ANKFN1: variants seen among roughly 807,000 people sequenced by gnomAD.
ANKFN1 encodes ankyrin repeat and fibronectin type III domain containing 1.
ANKFN1 carries 74 observed loss-of-function variants against 108.7 expected under a neutral mutation model. That is an observed-to-expected ratio of 0.68 (90% CI 0.56 to 0.83). The LOEUF (loss-of-function observed/expected upper bound fraction) is 0.83. Among genes scored for constraint, ANKFN1 ranks in the 40% least tolerant of loss-of-function variants. ANKFN1 has a pLI of 0.00. For synonymous variants in ANKFN1, 547 were observed against 516.2 expected (o/e 1.06, Z -0.81); for missense variants, 1,505 against 1,382.3 (o/e 1.09, Z -1.41).
chr17:56,058,820 T>A (rs1413946686), intron 4 of ANKFN1, among the ~76,000 whole-genome samples: 2 of 152,204 alleles, frequency 1.3e-5, no homozygotes, highest in African/African-American at 4.8e-5. Context: ...ACATTTTCTT[T>A]ACCCAGTCTA....
chr17:56,277,286 G>A (rs565921596), intron 3 of ANKFN1, among the ~76,000 whole-genome samples: 15 of 152,178 alleles, frequency 9.9e-5, no homozygotes, highest in Admixed American at 2.0e-4. Context: ...TAGACAAACT[G>A]GTAATGAGAA....
Position 56,238,919 on chromosome 17 carries a change from G to A in ANKFN1, c.53+10962G>A, listed in dbSNP as rs117038865. On this transcript the variant is annotated intron_variant, in intron 3 of 20. Coordinates refer to ENST00000682825, the MANE Select transcript of ANKFN1 (RefSeq NM_001370326.1). Reference sequence around the variant, plus strand: ...AAGTGGGAAGAAGAGATTGGGATACGATTGTGAATATTAAGTTGATTTTTT... The same window carrying A: ...AAGTGGGAAGAAGAGATTGGGATACAATTGTGAATATTAAGTTGATTTTTT... Among the ~76,000 whole-genome samples the A allele has an allele frequency of 9.7e-3, 1,473 of 152,218 alleles. 20 individuals are homozygous for A. Among genetic ancestry groups the A allele is most frequent in the Non-Finnish European group, 0.013 (886 of 68,008 alleles).
chr17:56,188,430 C>T (rs1912461703), intron 1 of ANKFN1, among the ~76,000 whole-genome samples: 1 of 149,810 alleles, frequency 6.7e-6, no homozygotes, highest in Admixed American at 6.7e-5. Flanking sequence ...CTAGAGGCTG[C>T]TTATGAAATA....
At chr17:56,323,268 A>G (rs565626699) in intron 3 of ANKFN1, 2 of 152,466 alleles carry the variant, frequency 1.3e-5, no homozygotes, top group Admixed American at 6.5e-5. Flanking sequence ...TTTAGATCCC[A>G]TCTCGTGCTG....
intron 18 of ANKFN1, among the ~76,000 whole-genome samples, chr17:56,485,568 A>G (rs1043987400): frequency 2.0e-5 from 3 of 152,244 alleles, no homozygotes; most frequent in African/African-American, 2.4e-5. Context: ...TGGAAATCCA[A>G]TGAAGGATTT....
chr17:56,278,944 T>C (rs1434035360), intron 3 of ANKFN1, among the ~76,000 whole-genome samples: 1 of 152,244 alleles, frequency 6.6e-6, no homozygotes, highest in Non-Finnish European at 1.5e-5. Context: ...GTGGATTTTT[T>C]TTTTAAGCTT....
At chr17:56,475,535 A>G (rs1054603335) in intron 15 of ANKFN1, among the ~76,000 whole-genome samples, 2 of 152,126 alleles carry the variant, frequency 1.3e-5, no homozygotes, top group Non-Finnish European at 2.9e-5. Context: ...AGACATTTCA[A>G]TGTTTGTTTT....
intron 20 of ANKFN1, among the ~76,000 whole-genome samples, chr17:56,509,554 G>A (rs1567715962): frequency 6.6e-6 from 1 of 152,140 alleles, no homozygotes; most frequent in Non-Finnish European, 1.5e-5. Context: ...TTAGCTGCAG[G>A]GGAAGCTGAA....
intron 3 of ANKFN1, among the ~76,000 whole-genome samples, chr17:56,274,134 G>C (rs777785564): frequency 2.0e-5 from 3 of 152,200 alleles, no homozygotes; most frequent in Non-Finnish European, 4.4e-5. Flanking sequence ...CTGGGAATGG[G>C]GTAGAGAGCA....
chr17:56,144,184 A>ACTC lies in ANKFN1; in HGVS notation c.289-83733_289-83732insCTC, dbSNP rs1405007617. Among the ~76,000 whole-genome samples the ACTC allele has an allele frequency of 3.8e-5, 3 of 78,296 alleles. 1 individual carries two copies. Among genetic ancestry groups the ACTC allele is most frequent in the Non-Finnish European group, 7.4e-5 (3 of 40,436 alleles). 51.4% of individuals were successfully genotyped at this position (78,296 alleles called of 152,430 possible). ...AAAAAAAAAAAAAAAAAAAAAAAAAAACAGCCCAAACCAAATGAATGCAGA... is the reference window on the plus strand; with the variant it reads ...AAAAAAAAAAAAAAAAAAAAAAAAAACTCACAGCCCAAACCAAATGAATGCAGA... On this transcript the variant is annotated intron_variant, in intron 4 of 12. Coordinates refer to the ANKFN1 transcript ENST00000635860.
At chr17:56,350,588 C>G (rs892106426) in intron 4 of ANKFN1, among the ~76,000 whole-genome samples, 178 bp from the exon 5 acceptor site, 9 of 152,026 alleles carry the variant, frequency 5.9e-5, no homozygotes, top group African/African-American at 9.7e-5. Flanking sequence ...GCTTCCTTTC[C>G]CTGGGTTTCA....
chr17:56,256,927 A>G (rs1798027630), intron 3 of ANKFN1, among the ~76,000 whole-genome samples: 1 of 152,198 alleles, frequency 6.6e-6, no homozygotes, highest in South Asian at 2.1e-4. Flanking sequence ...TTGTCTACCC[A>G]TTCATTGATT....
At chr17:56,133,860 A>T (rs7216878) in intron 4 of ANKFN1, among the ~76,000 whole-genome samples, 1 of 151,702 alleles carries the variant, frequency 6.6e-6, no homozygotes, top group Admixed American at 6.6e-5. Context: ...ATTTTATCAT[A>T]CAACAAGCAG....
chr17:56,057,573 G>A (rs977309088), intron 4 of ANKFN1, among the ~76,000 whole-genome samples: 1 of 152,126 alleles, frequency 6.6e-6, no homozygotes, highest in Non-Finnish European at 1.5e-5. Context: ...ATCACTTGAG[G>A]TCAGAAGTTC....
intron 8 of ANKFN1, among the ~76,000 whole-genome samples, chr17:56,417,873 A>C (rs1276606462): frequency 6.6e-6 from 1 of 152,110 alleles, no homozygotes. Flanking sequence ...TTCTTTCTTC[A>C]AGGCGTTAGG....
intron 3 of ANKFN1, among the ~76,000 whole-genome samples, chr17:56,312,308 C>T (rs1443215016): frequency 6.6e-6 from 1 of 152,132 alleles, no homozygotes; most frequent in Non-Finnish European, 1.5e-5. Context: ...TTCCCAGAGG[C>T]CTTTTGATTT....
At chr17:56,389,215 T>A (rs1304780461) in intron 8 of ANKFN1, among the ~76,000 whole-genome samples, 1 of 152,206 alleles carries the variant, frequency 6.6e-6, no homozygotes, top group Non-Finnish European at 1.5e-5. Context: ...CATGGAATAC[T>A]ACTCAGCAAC....
chr17:56,221,188 G>A (rs1194152166), intron 2 of ANKFN1, among the ~76,000 whole-genome samples: 5 of 152,104 alleles, frequency 3.3e-5, no homozygotes, highest in Admixed American at 6.5e-5. Flanking sequence ...ACTCACTACC[G>A]TGAGGACAGT....
intron 4 of ANKFN1, among the ~76,000 whole-genome samples, chr17:56,080,046 C>T (rs1295871779): frequency 6.6e-6 from 1 of 152,158 alleles, no homozygotes; most frequent in African/African-American, 2.4e-5. Context: ...CTTGGTTACT[C>T]AGAGATTAAT....
Sources: allele counts gnomAD v4.1 joint callset (sites outside exome capture counted in the v4.1 genomes callset), GRCh38; gene constraint gnomAD v4.1.1; transcripts MANE v1.5; gene names NCBI Gene and HGNC (gene_info 2026-07-23, HGNC 2026-07-21).